GPR35: variants seen among roughly 807,000 people sequenced by gnomAD.
GPR35 encodes the protein G protein-coupled receptor 35.
For synonymous variants in GPR35, 207 were observed against 198.4 expected (o/e 1.04, Z -0.36); for missense variants, 372 against 422.5 (o/e 0.88, Z 1.05).
intron 1 of GPR35, 86 bp downstream of exon 1, chr2:240,625,654 T>C: frequency 2.8e-6 from 1 of 354,122 alleles, no homozygotes; most frequent in South Asian, 1.2e-4. Context: ...TGTGATGGGG[T>C]CTCAGAGCAG....
chr2:240,630,627 G>A lies in GPR35; in HGVS notation c.675G>A (p.Val225=), dbSNP rs2043433779. ...GCATGGTCTGGGCCAACCTCCTGGT[G>A]TTCGTGGTCTGCTTCCTGCCCCTGC... ...AARMVWANLL[V]FVVCFLPLHV... is the part of the protein sequence containing the mutation. Residue 225 remains valine, a synonymous_variant, in exon 2 of 2, where the codon GTG becomes GTA. Transcript: ENST00000407714. The A allele has an allele frequency of 5.0e-6, 8 of 1,612,810 alleles. No individual in the cohort carries two copies. Among genetic ancestry groups the A allele is most frequent in the South Asian group, 2.2e-5 (2 of 91,094 alleles).
Position 240,631,237 on chromosome 2 carries a change from C to T in GPR35, c.*355C>T. 3.2e-6 allele frequency: 1 copy of T among 309,680 alleles called. No homozygotes were observed. The highest frequency in any genetic ancestry group is 6.4e-6 in the Non-Finnish European group (1 of 156,634). 19.2% of individuals were successfully genotyped at this position (309,680 alleles called of 1,614,324 possible). A position where few individuals can be genotyped will look rare whatever the true frequency, so the allele number is the denominator to read the frequency against. ...GCTGCCCCTCGGGGCTGGAATAAAA[C>T]TCCCCACCCAGAGTCAGTCCTAGTG... On this transcript the variant is annotated 3_prime_UTR_variant, in exon 2 of 2. Transcript: ENST00000407714.
intron 2 of GPR35, among the ~76,000 whole-genome samples, chr2:240,609,328 T>C (rs1553613989): frequency 4.6e-5 from 7 of 152,190 alleles, no homozygotes; most frequent in Non-Finnish European, 1.0e-4. Flanking sequence ...CTTTCTTCTT[T>C]CCTAACATGA....
At chr2:240,609,241 T>C (rs561370275) in intron 2 of GPR35, among the ~76,000 whole-genome samples, 5 of 152,180 alleles carry the variant, frequency 3.3e-5, no homozygotes, top group African/African-American at 7.2e-5. Flanking sequence ...TTTCTTCTGC[T>C]TACTTGGGTT....
intron 1 of GPR35, chr2:240,605,678 G>A (rs887312381): frequency 3.9e-5 from 6 of 152,412 alleles, no homozygotes; most frequent in African/African-American, 1.4e-4. Context: ...CTGGGGCCAA[G>A]GTGTTCAGAC....
In GPR35 at chr2:240,632,262, AGTTTATGCCCTGGAGG is replaced by A. The variant is rs1218689408; in HGVS notation, c.*1382_*1397del. On this transcript the variant is annotated 3_prime_UTR_variant, in exon 2 of 2. Coordinates refer to ENST00000407714, the MANE Select transcript of GPR35 (RefSeq NM_005301.5). ...GCTCAGGAGGGTTCATGCCCAGGAG[AGTTTATGCCCTGGAGG>A]GCCCCATGCCCGGGAGAGTCACGTG... Among the ~76,000 whole-genome samples, 1 of 127,140 alleles carries A rather than the reference AGTTTATGCCCTGGAGG, an allele frequency of 7.9e-6. No homozygotes were observed. The highest frequency in any genetic ancestry group is 1.7e-5 in the Non-Finnish European group (1 of 59,196). 83.4% of individuals were successfully genotyped at this position (127,140 alleles called of 152,430 possible).
chr2:240,619,782 G>A (rs2043273029), intron 5 of GPR35, among the ~76,000 whole-genome samples: 2 of 152,258 alleles, frequency 1.3e-5, no homozygotes, highest in Non-Finnish European at 2.9e-5. Flanking sequence ...GGACCTTCCA[G>A]CGGCTGGCAG....
chr2:240,618,394 T>C (rs2043259799), intron 4 of GPR35, among the ~76,000 whole-genome samples: 1 of 152,252 alleles, frequency 6.6e-6, no homozygotes, highest in South Asian at 2.1e-4. Flanking sequence ...TGGAAAATGA[T>C]TACTTAAAAT....
rs540354504 is a variant in GPR35 at position 240,631,585 on chromosome 2, T to C, written c.*703T>C. Reference sequence around the variant, plus strand: ...GCAGGTGAGGGTGGGTTGGGGTGGGTGGCAGTGAAGGGGGTGGCCAGGGTC... The same window carrying C: ...GCAGGTGAGGGTGGGTTGGGGTGGGCGGCAGTGAAGGGGGTGGCCAGGGTC... On this transcript the variant is annotated 3_prime_UTR_variant, in exon 2 of 2. Coordinates refer to ENST00000407714, the MANE Select transcript of GPR35 (RefSeq NM_005301.5). Among the ~76,000 whole-genome samples the C allele has an allele frequency of 2.0e-5, 3 of 150,392 alleles. No individual in the cohort carries two copies. The highest frequency in any genetic ancestry group is 7.3e-5 in the African/African-American group (3 of 41,062).
At chr2:240,629,063 T>C (rs539529061) in intron 1 of GPR35, 1 of 152,474 alleles carries the variant, frequency 6.6e-6, no homozygotes, top group South Asian at 2.1e-4. Flanking sequence ...CAGCCGGGGC[T>C]GGTCTCAGCC....
intron 2 of GPR35, among the ~76,000 whole-genome samples, chr2:240,609,806 G>A (rs1175846089): frequency 6.6e-6 from 1 of 152,120 alleles, no homozygotes; most frequent in East Asian, 1.9e-4. Context: ...ACTGAGATGA[G>A]GGTGTCATAA....
At chr2:240,617,482 A>G (rs1575463248) in intron 4 of GPR35, 1 of 501,800 alleles carries the variant, frequency 2.0e-6, no homozygotes, top group Non-Finnish European at 3.6e-6. Flanking sequence ...TTCATCCATC[A>G]GGGTTTGCAA....
intron 4 of GPR35, chr2:240,617,489 G>A: frequency 2.1e-6 from 1 of 485,170 alleles, no homozygotes; most frequent in Non-Finnish European, 3.7e-6. Context: ...ATCAGGGTTT[G>A]CAAAGTAGTG....
In GPR35 at chr2:240,630,834, T is replaced by C. The variant is rs1437988245; in HGVS notation, c.882T>C (p.Ser294=). The change falls in exon 2 of 2, where the codon AGT becomes AGC. Residue 294 remains serine (S), a synonymous_variant. Coordinates refer to ENST00000407714, the MANE Select transcript of GPR35 (RefSeq NM_005301.5). The stretch of plus-strand genomic sequence containing the variant: ...CGTCTGCACTGGCCGTGGCTCCCAG[T>C]GCTAAGGCCCACAAAAGCCAGGACT... The part of the protein sequence containing the change: ...QEASALAVAP[S]AKAHKSQDSL... 8.7e-6 allele frequency: 14 copies of C among 1,612,928 alleles called. No homozygotes were observed. The highest frequency in any genetic ancestry group is 1.2e-5 in the Non-Finnish European group (14 of 1,179,964).
At chr2:240,610,930 G>A (rs541159175) in intron 2 of GPR35, among the ~76,000 whole-genome samples, 23 of 149,788 alleles carry the variant, frequency 1.5e-4, no homozygotes, top group African/African-American at 2.2e-4. Flanking sequence ...CACTGCACCC[G>A]GCCTGTCTTT....
chr2:240,627,490 G>C (rs1419108684), intron 1 of GPR35: 6 of 152,020 alleles, frequency 3.9e-5, no homozygotes, highest in Non-Finnish European at 7.4e-5. Context: ...CTTAGAGATG[G>C]GGTTTCACTC....
intron 2 of GPR35, chr2:240,606,640 CA>C (rs1405020606): frequency 3.9e-5 from 6 of 152,190 alleles, no homozygotes; most frequent in Non-Finnish European, 7.3e-5. Flanking sequence ...ACAGGGGGTT[CA>C]TAGAAGAACA....
chr2:240,623,321 CGTG>C (rs1313582210), upstream of GPR35, among the ~76,000 whole-genome samples: 93 of 137,404 alleles, frequency 6.8e-4, 4 homozygotes, highest in Middle Eastern at 7.2e-3. Flanking sequence ...GCAAACAGGT[CGTG>C]AGGGCGCAAA....
At chr2:240,623,310 C>A (rs35263560), upstream of GPR35, among the ~76,000 whole-genome samples, 1 of 95,698 alleles carries the variant, frequency 1.0e-5, no homozygotes, top group African/African-American at 3.9e-5. Flanking sequence ...GTCATGAGGG[C>A]GCAAACAGGT....
Sources: allele counts gnomAD v4.1 joint callset (sites outside exome capture counted in the v4.1 genomes callset), GRCh38; gene constraint gnomAD v4.1.1; transcripts MANE v1.5; gene names NCBI Gene and HGNC (gene_info 2026-07-23, HGNC 2026-07-21).